Variants in MIDEAS observed in about 807,000 individuals in gnomAD.
MIDEAS encodes the protein mitotic deacetylase-associated SANT domain protein.
A neutral mutation model predicts 102.7 loss-of-function variants in MIDEAS; 26 were observed. That is an observed-to-expected ratio of 0.25 (90% CI 0.19 to 0.35). MIDEAS has a LOEUF of 0.35. Among genes scored for constraint, MIDEAS ranks in the 10% least tolerant of loss-of-function variants. MIDEAS has a pLI of 1.00. For missense variants in MIDEAS, 1,231 were observed against 1,435.6 expected (o/e 0.86, Z 2.30); for synonymous variants, 585 against 591.0 (o/e 0.99, Z 0.15).
chr14:73,765,580 G>T lies in MIDEAS; in HGVS notation c.-248+21522C>A, dbSNP rs574066593. Among the ~76,000 whole-genome samples, 6 of 152,268 alleles carry T rather than the reference G, an allele frequency of 3.9e-5. No individual in the cohort carries two copies. In the South Asian group the frequency reaches 1.2e-3, roughly 32 times the overall value. On this transcript the variant is annotated intron_variant, in intron 1 of 11. Transcript: ENST00000394071. Reference sequence around the variant, plus strand: ...CTCCCATCATCTACTGCATAAAGCTGAGACTGTTAGCTAGACTGTTAGGCA... The same window carrying T: ...CTCCCATCATCTACTGCATAAAGCTTAGACTGTTAGCTAGACTGTTAGGCA...
rs181018970 is a variant in MIDEAS at position 73,753,641 on chromosome 14, G to T, written c.-248+6122C>A. 2.0e-5 allele frequency among the ~76,000 whole-genome samples: 3 copies of T among 152,312 alleles called. No homozygotes were observed. The East Asian group carries it at 5.8e-4, about 29-fold the overall frequency. On this transcript the variant is annotated intron_variant, in intron 1 of 12. Transcript: ENST00000423556. ...CAGTCTTTAACACCTTGGAGGAAATGAATAGTCCAACTCTTCCAGTTCCAC... is the reference window on the plus strand; with the variant it reads ...CAGTCTTTAACACCTTGGAGGAAATTAATAGTCCAACTCTTCCAGTTCCAC...
At chr14:73,751,039 T>C in intron 1 of MIDEAS, among the ~76,000 whole-genome samples, 1 of 152,278 alleles carries the variant, frequency 6.6e-6, no homozygotes. Flanking sequence ...TTTGTAGAGA[T>C]GGAGTCTCAC....
At chr14:73,736,974 G>T (rs565304902) in intron 3 of MIDEAS, 24 bp downstream of exon 3, 17 of 1,603,760 alleles carry the variant, frequency 1.1e-5, no homozygotes, top group Non-Finnish European at 1.4e-5. Context: ...CGCTGGAGGT[G>T]TTTAGAAGGG....
intron 10 of MIDEAS, 77 bp from the exon 11 acceptor site, chr14:73,721,586 G>C: frequency 7.3e-7 from 1 of 1,377,440 alleles, no homozygotes; most frequent in African/African-American, 1.4e-5. Flanking sequence ...ACCCGGCCGG[G>C]GGGTTCACCA....
At chr14:73,773,484 T>TC (rs1237587312) in intron 1 of MIDEAS, among the ~76,000 whole-genome samples, 7 of 151,626 alleles carry the variant, frequency 4.6e-5, no homozygotes, top group South Asian at 2.1e-4. Flanking sequence ...AGCCCACCCC[T>TC]CCCTGGACAT....
intron 1 of MIDEAS, among the ~76,000 whole-genome samples, chr14:73,746,984 C>T (rs1296227077): frequency 2.6e-5 from 4 of 152,146 alleles, no homozygotes; most frequent in Admixed American, 2.0e-4. Flanking sequence ...GGGTAAGTGA[C>T]CCCTGGGGAC....
chr14:73,748,209 C>T (rs1015467037), intron 1 of MIDEAS, among the ~76,000 whole-genome samples: 1 of 152,030 alleles, frequency 6.6e-6, no homozygotes, highest in Non-Finnish European at 1.5e-5. Flanking sequence ...CTACCTTATC[C>T]ATAATTACTT....
intron 1 of MIDEAS, among the ~76,000 whole-genome samples, chr14:73,781,560 C>A (rs931341134): frequency 6.1e-5 from 9 of 146,944 alleles, no homozygotes; most frequent in Non-Finnish European, 1.4e-4. Flanking sequence ...CATGGAGAAA[C>A]CCTGTCTCTA....
intron 1 of MIDEAS, among the ~76,000 whole-genome samples, chr14:73,771,245 T>G (rs1335716764): frequency 6.6e-6 from 1 of 152,214 alleles, no homozygotes; most frequent in Non-Finnish European, 1.5e-5. Context: ...TTGACAGTTC[T>G]GAAATTTGGT....
Position 73,739,841 on chromosome 14 carries a change from G to C in MIDEAS, c.168C>G (p.Val56=), listed in dbSNP as rs1386698811. 2 of 1,607,084 alleles carry C rather than the reference G, an allele frequency of 1.2e-6. No individual in the cohort carries two copies. Among genetic ancestry groups the C allele is most frequent in the African/African-American group, 1.3e-5 (1 of 74,776 alleles). ...GCAGTTCCACAGGCTGAGAGGTGGA[G>C]ACTGCCCCTCCTGGACCCTCGTGCC... ...YLGHEGPGGA[V]STSQPVELPP... The change falls in exon 2 of 13, where the codon GTC becomes GTG. Residue 56 remains valine, a synonymous_variant. Coordinates refer to ENST00000423556, the MANE Select transcript of MIDEAS (RefSeq NM_001367710.1).
chr14:73,721,272 C>G (rs755327753), intron 11 of MIDEAS, 25 bp downstream of exon 11: 1 of 1,608,070 alleles, frequency 6.2e-7, no homozygotes, highest in Non-Finnish European at 8.5e-7. Context: ...TTGCCCTGGG[C>G]TCAGCCCATG....
At chr14:73,719,263 A>AGCCCGCGGGGGT in intron 12 of MIDEAS, 42 bp downstream of exon 12, 1 of 916,340 alleles carries the variant, frequency 1.1e-6, no homozygotes, top group Non-Finnish European at 1.3e-6. Context: ...TCCGCGCACC[A>AGCCCGCGGGGGT]GCCCGCGGGG....
upstream of MIDEAS, chr14:73,790,046 T>C (rs2053854934): frequency 6.6e-6 from 1 of 152,164 alleles, no homozygotes. Context: ...GTCAAAAAAC[T>C]AGGAAGAAAG....
chr14:73,722,615 G>A lies in MIDEAS; in HGVS notation c.2724+83C>T, dbSNP rs142275357. 2,636 of 1,536,454 alleles carry A rather than the reference G, an allele frequency of 1.7e-3. 39 individuals carry two copies. The African/African-American group carries it at 0.03, about 18-fold the overall frequency. ...AACCTGCCCTCTGCAGGCTCCTGGA[G>A]AGCTCGGGCTCGGGCTCCCAGCTCA... On this transcript the variant is annotated intron_variant, in intron 10 of 12. Transcript: ENST00000423556.
chr14:73,729,091 A>G (rs1255911338), intron 4 of MIDEAS: 1 of 153,294 alleles, frequency 6.5e-6, no homozygotes, highest in Non-Finnish European at 1.5e-5. Context: ...TTTCAGCAGT[A>G]CATCACCCCA....
chr14:73,752,766 G>A (rs776399398), intron 1 of MIDEAS, among the ~76,000 whole-genome samples: 9 of 152,204 alleles, frequency 5.9e-5, no homozygotes, highest in Non-Finnish European at 1.3e-4. Flanking sequence ...CATTTCTCCA[G>A]TCTCTGAGCA....
At chr14:73,719,145 A>G (rs1395259401) in intron 12 of MIDEAS, 137 bp from the exon 13 acceptor site, 1 of 1,463,112 alleles carries the variant, frequency 6.8e-7, no homozygotes, top group Non-Finnish European at 9.0e-7. Flanking sequence ...TCATTTTCCG[A>G]AAGCTGCCCC....
upstream of MIDEAS, among the ~76,000 whole-genome samples, chr14:73,763,885 A>T (rs2140160851): frequency 6.7e-6 from 1 of 149,448 alleles, no homozygotes. Context: ...CATTGCATGA[A>T]CAACGAAAGG....
chr14:73,751,637 G>A (rs1007411527), intron 1 of MIDEAS, among the ~76,000 whole-genome samples: 4 of 152,168 alleles, frequency 2.6e-5, no homozygotes, highest in Non-Finnish European at 5.9e-5. Context: ...AGCGGCTCCC[G>A]TTTGTAATCC....
Sources: allele counts gnomAD v4.1 joint callset (sites outside exome capture counted in the v4.1 genomes callset), GRCh38; gene constraint gnomAD v4.1.1; transcripts MANE v1.5; gene names NCBI Gene and HGNC (gene_info 2026-07-23, HGNC 2026-07-21).